Variants in FAM135B observed in about 807,000 individuals in gnomAD.
FAM135B encodes protein FAM135B.
Under a neutral mutation model 127.7 loss-of-function variants are expected in FAM135B, and 43 were observed. The ratio of observed to expected loss-of-function variants is 0.34; its 90% CI spans 0.26 to 0.43. FAM135B has a LOEUF of 0.43. FAM135B is among the 20% of genes least tolerant of loss of function. FAM135B has a pLI of 1.00. For missense variants in FAM135B, 1,558 were observed against 1,725.6 expected (o/e 0.90, Z 1.72); for synonymous variants, 670 against 665.1 (o/e 1.01, Z -0.11).
intron 1 of FAM135B, among the ~76,000 whole-genome samples, chr8:138,377,839 T>G (rs1384442276): frequency 6.6e-6 from 1 of 152,162 alleles, no homozygotes; most frequent in Non-Finnish European, 1.5e-5. Flanking sequence ...GATGTCCTTC[T>G]CCCCAGGGGA....
At chr8:138,478,044 T>C (rs895208785) in intron 1 of FAM135B, among the ~76,000 whole-genome samples, 6 of 152,144 alleles carry the variant, frequency 3.9e-5, no homozygotes, top group African/African-American at 1.4e-4. Context: ...TAAAACCCTA[T>C]TTGGATAAGC....
intron 7 of FAM135B, among the ~76,000 whole-genome samples, chr8:138,219,639 G>T (rs1392484455): frequency 6.6e-6 from 1 of 152,108 alleles, no homozygotes; most frequent in Non-Finnish European, 1.5e-5. Context: ...GAAAACCAGG[G>T]TCATCCTTGT....
chr8:138,138,643 G>T (rs1816864504), intron 18 of FAM135B, among the ~76,000 whole-genome samples: 1 of 152,232 alleles, frequency 6.6e-6, no homozygotes, highest in African/African-American at 2.4e-5. Flanking sequence ...TGCCTTTTTT[G>T]TAGATGGGCC....
At chr8:138,157,800 G>A (rs1818919475) in intron 12 of FAM135B, among the ~76,000 whole-genome samples, 1 of 152,100 alleles carries the variant, frequency 6.6e-6, no homozygotes, top group Admixed American at 6.6e-5. Context: ...AATAAAAGAG[G>A]ACATAAACAA....
intron 1 of FAM135B, among the ~76,000 whole-genome samples, chr8:138,372,513 G>A (rs774143938): frequency 2.6e-5 from 4 of 152,086 alleles, no homozygotes; most frequent in Admixed American, 6.5e-5. Context: ...AGAACCAGAC[G>A]CCTGGGTCTC....
chr8:138,142,039 T>C (rs1563676104), intron 16 of FAM135B, among the ~76,000 whole-genome samples: 2 of 152,226 alleles, frequency 1.3e-5, no homozygotes, highest in Admixed American at 1.3e-4. Flanking sequence ...GCTTTTCTTT[T>C]ATTCTTTTTT....
At chr8:138,492,849 C>T (rs377007755) in intron 1 of FAM135B, among the ~76,000 whole-genome samples, 4 of 152,194 alleles carry the variant, frequency 2.6e-5, no homozygotes, top group Admixed American at 6.5e-5. Context: ...CGCAGACCCC[C>T]GGCATTGCCT....
chr8:138,165,464 T>C (rs913423467), intron 12 of FAM135B, among the ~76,000 whole-genome samples: 9 of 152,118 alleles, frequency 5.9e-5, no homozygotes, highest in Non-Finnish European at 1.3e-4. Flanking sequence ...TGTTATAACT[T>C]CACCTGTGAG....
chr8:138,464,962 G>C (rs551877147), intron 1 of FAM135B, among the ~76,000 whole-genome samples: 15 of 152,304 alleles, frequency 9.8e-5, no homozygotes, highest in African/African-American at 3.4e-4. Context: ...AGAACTATCA[G>C]CGTTACTCAT....
chr8:138,409,619 T>C (rs564417718), intron 1 of FAM135B, among the ~76,000 whole-genome samples: 1 of 152,262 alleles, frequency 6.6e-6, no homozygotes, highest in Admixed American at 6.5e-5. Flanking sequence ...CTCATGCCTG[T>C]AATCCCAGCA....
intron 7 of FAM135B, among the ~76,000 whole-genome samples, chr8:138,218,812 A>AAG (rs1170409231): frequency 7.8e-6 from 1 of 128,136 alleles, no homozygotes; most frequent in African/African-American, 2.9e-5. Context: ...GAGGGAGAGA[A>AAG]AGAGAGAGAG....
chr8:138,435,948 C>A (rs550023636), intron 1 of FAM135B, among the ~76,000 whole-genome samples: 1 of 152,276 alleles, frequency 6.6e-6, no homozygotes, highest in East Asian at 1.9e-4. Context: ...CCTTGTTCTC[C>A]TTGTCTTTTT....
chr8:138,145,835 C>T (rs191224215), intron 15 of FAM135B, 124 bp downstream of exon 15: 146 of 580,636 alleles, frequency 2.5e-4, no homozygotes, highest in Non-Finnish European at 1.2e-4. Context: ...AAATGCCTGG[C>T]CAGCATCTCT....
chr8:138,272,569 T>C (rs1481007573), intron 3 of FAM135B, among the ~76,000 whole-genome samples: 1 of 152,234 alleles, frequency 6.6e-6, no homozygotes, highest in East Asian at 1.9e-4. Flanking sequence ...TCATCAACAC[T>C]GAGTGGGCTT....
intron 7 of FAM135B, among the ~76,000 whole-genome samples, chr8:138,234,546 A>G (rs907515745): frequency 6.6e-6 from 1 of 152,260 alleles, no homozygotes; most frequent in African/African-American, 2.4e-5. Flanking sequence ...CTGTCTTAAT[A>G]AAGAATGAAA....
At chr8:138,199,340 G>T (rs534068561) in intron 7 of FAM135B, among the ~76,000 whole-genome samples, 76 of 152,220 alleles carry the variant, frequency 5.0e-4, no homozygotes, top group Admixed American at 1.6e-3. Flanking sequence ...GACTGTCTTA[G>T]GTGAGAGACT....
At chr8:138,307,554 C>T (rs1299049761) in intron 3 of FAM135B, among the ~76,000 whole-genome samples, 9 of 152,064 alleles carry the variant, frequency 5.9e-5, no homozygotes, top group Admixed American at 5.9e-4. Context: ...TGCAAGCTTC[C>T]CTTGAATGCT....
intron 7 of FAM135B, among the ~76,000 whole-genome samples, chr8:138,219,118 GT>G (rs1370900186): frequency 6.6e-6 from 1 of 152,036 alleles, no homozygotes; most frequent in East Asian, 1.9e-4. Context: ...GAAACAGAAG[GT>G]ACTATCTTCA....
chr8:138,275,793 G>C (rs1487947584), intron 3 of FAM135B, among the ~76,000 whole-genome samples: 1 of 152,144 alleles, frequency 6.6e-6, no homozygotes. Context: ...ATGGTTAATT[G>C]GCCCTAAATG....
Sources: allele counts gnomAD v4.1 joint callset (sites outside exome capture counted in the v4.1 genomes callset), GRCh38; gene constraint gnomAD v4.1.1; transcripts MANE v1.5; gene names NCBI Gene and HGNC (gene_info 2026-07-23, HGNC 2026-07-21).